Variants in AK5 observed in about 807,000 individuals in gnomAD.
AK5 encodes adenylate kinase 5.
AK5 carries 27 observed loss-of-function variants against 69.5 expected under a neutral mutation model. That is an observed-to-expected ratio of 0.39 (90% confidence interval 0.29 to 0.54). The LOEUF (loss-of-function observed/expected upper bound fraction) is 0.54. AK5 is among the 20% of genes least tolerant of loss of function. The pLI is 0.71. For synonymous variants in AK5, 260 were observed against 244.4 expected (o/e 1.06, Z -0.60); for missense variants, 531 against 700.4 (o/e 0.76, Z 2.73).
At chr1:77,508,098 A>T (rs1406308077) in intron 10 of AK5, among the ~76,000 whole-genome samples, 1 of 152,252 alleles carries the variant, frequency 6.6e-6, no homozygotes, top group East Asian at 1.9e-4. Flanking sequence ...GGGATGCTCA[A>T]CTAGTAAGTA....
chr1:77,328,839 T>A (rs1660941567), intron 5 of AK5, among the ~76,000 whole-genome samples: 1 of 152,182 alleles, frequency 6.6e-6, no homozygotes. Flanking sequence ...TATGCTGTTA[T>A]AACAATACCA....
At chr1:77,506,988 G>A (rs1657067869) in intron 10 of AK5, among the ~76,000 whole-genome samples, 1 of 151,590 alleles carries the variant, frequency 6.6e-6, no homozygotes, top group Non-Finnish European at 1.5e-5. Context: ...AAGAGGTTGA[G>A]ACTCAGTCTC....
chr1:77,327,828 T>A (rs1660884171), intron 5 of AK5, among the ~76,000 whole-genome samples: 1 of 152,210 alleles, frequency 6.6e-6, no homozygotes, highest in Non-Finnish European at 1.5e-5. Flanking sequence ...GGGCACATAA[T>A]TATAGACAGT....
rs1464400422 is a variant in AK5 at position 77,368,303 on chromosome 1, ATATATATGTTATATATAATATATATGT to A, written c.891+27753_891+27779del. ...ATATGTTATATATATGTTATATATA[ATATATATGTTATATATAATATATATGT>A]TATATATGTTATATATATATGTTGT... On this transcript the variant is annotated intron_variant, in intron 6 of 13. Coordinates refer to ENST00000354567, the MANE Select transcript of AK5 (RefSeq NM_174858.3). 4.5e-4 allele frequency among the ~76,000 whole-genome samples: 43 copies of A among 95,350 alleles called. 1 individual carries two copies. Among genetic ancestry groups the A allele is most frequent in the Non-Finnish European group, 7.0e-4 (34 of 48,458 alleles). The allele number at this position is 95,350 out of a possible 152,430, so 62.6% of individuals were successfully genotyped here.
chr1:77,538,899 T>G lies in AK5; in HGVS notation c.1620+2861T>G, dbSNP rs139751658. On this transcript the variant is annotated intron_variant, in intron 13 of 13. Transcript: ENST00000354567. ...CTTAGAGCTTTCTAAGTTAGTGGTG[T>G]CCAAAAGACCAGATTACAACACATT... 6.9e-4 allele frequency among the ~76,000 whole-genome samples: 105 copies of G among 152,324 alleles called. 1 individual carries two copies. The East Asian group carries it at 0.019, about 27-fold the overall frequency.
chr1:77,498,117 G>A (rs1656461304), intron 10 of AK5, among the ~76,000 whole-genome samples: 1 of 152,152 alleles, frequency 6.6e-6, no homozygotes, highest in Non-Finnish European at 1.5e-5. Flanking sequence ...AAGAGCACAG[G>A]GAGGAAAGGG....
chr1:77,396,083 C>T (rs1648808367), intron 6 of AK5, among the ~76,000 whole-genome samples: 1 of 152,158 alleles, frequency 6.6e-6, no homozygotes, highest in Admixed American at 6.5e-5. Context: ...GTATGGATGG[C>T]AGGTAATCTC....
intron 7 of AK5, among the ~76,000 whole-genome samples, chr1:77,413,388 C>T (rs928406897): frequency 6.6e-6 from 1 of 152,160 alleles, no homozygotes; most frequent in Non-Finnish European, 1.5e-5. Flanking sequence ...GAGACTTTCT[C>T]AGACCCCACC....
chr1:77,298,621 T>C (rs1659150141), intron 5 of AK5, among the ~76,000 whole-genome samples: 1 of 146,514 alleles, frequency 6.8e-6, no homozygotes, highest in Non-Finnish European at 1.5e-5. Context: ...CTGGGCAATA[T>C]GACGAAACCC....
intron 8 of AK5, among the ~76,000 whole-genome samples, chr1:77,468,672 C>G (rs906271252): frequency 6.6e-6 from 1 of 152,166 alleles, no homozygotes; most frequent in Non-Finnish European, 1.5e-5. Flanking sequence ...AAGAGCAGGC[C>G]GGTTTCCTTG....
rs1648444621 is a variant in AK5, at chr1:77,391,456, TATATATATAC to T, written c.892-19523_892-19514del. On this transcript the variant is annotated intron_variant, in intron 6 of 13. Transcript: ENST00000354567. The stretch of plus-strand genomic sequence containing the variant: ...ACATATATACATATATGTGTGTGTA[TATATATATAC>T]ACATATGTGTGTGTGTATGTGTGTG... 1.8e-4 allele frequency among the ~76,000 whole-genome samples: 23 copies of T among 130,682 alleles called. No homozygotes were observed. The Admixed American group carries it at 1.9e-3, about 11-fold the overall frequency. 85.7% of individuals were successfully genotyped at this position (130,682 alleles called of 152,430 possible).
chr1:77,341,871 G>T (rs1438539732), intron 6 of AK5, among the ~76,000 whole-genome samples: 2 of 152,138 alleles, frequency 1.3e-5, no homozygotes, highest in South Asian at 2.1e-4. Context: ...GCTATGTTTT[G>T]TTGGGGTTAT....
chr1:77,438,102 C>T (rs1652066205), intron 8 of AK5, among the ~76,000 whole-genome samples: 2 of 151,878 alleles, frequency 1.3e-5, no homozygotes, highest in Non-Finnish European at 2.9e-5. Flanking sequence ...TGAAAGCCCT[C>T]TCTTTTTTTG....
intron 5 of AK5, among the ~76,000 whole-genome samples, chr1:77,301,351 T>C (rs560957772): frequency 6.6e-5 from 10 of 152,332 alleles, no homozygotes; most frequent in African/African-American, 2.4e-4. Context: ...GATCTGGAAG[T>C]GACATCCATC....
chr1:77,404,327 C>G (rs76328008), intron 6 of AK5, among the ~76,000 whole-genome samples: 12,901 of 151,980 alleles, frequency 0.085, 701 homozygotes, highest in South Asian at 0.17. Flanking sequence ...CCCTGACCCC[C>G]TGCAAGTGTG....
At chr1:77,364,415 T>G (rs1221646518) in intron 6 of AK5, among the ~76,000 whole-genome samples, 4 of 152,206 alleles carry the variant, frequency 2.6e-5, no homozygotes, top group Non-Finnish European at 5.9e-5. Context: ...TGAAATTGTA[T>G]GATATGCTAT....
rs41428048 is a variant in AK5 at position 77,528,378 on chromosome 1, C to T, written c.1428+6435C>T. Among the ~76,000 whole-genome samples, 1,140 of 152,190 alleles carry T rather than the reference C, an allele frequency of 7.5e-3. 22 individuals are homozygous for T. The highest frequency in any genetic ancestry group is 0.026 in the African/African-American group (1,091 of 41,504). ...AATCTCACCAGCCTTTCTGTGTCAC[C>T]GAGATTGATGCGTCCGATGCATTGG... On this transcript the variant is annotated intron_variant, in intron 12 of 13. Coordinates refer to ENST00000354567, the MANE Select transcript of AK5 (RefSeq NM_174858.3).
At chr1:77,290,924 A>G (rs1658652203) in intron 2 of AK5, among the ~76,000 whole-genome samples, 1 of 152,208 alleles carries the variant, frequency 6.6e-6, no homozygotes, top group South Asian at 2.1e-4. Flanking sequence ...CAATGGCACT[A>G]TAGGAAAATC....
At chr1:77,543,248 A>G (rs991931120) in intron 13 of AK5, among the ~76,000 whole-genome samples, 1 of 152,230 alleles carries the variant, frequency 6.6e-6, no homozygotes, top group Non-Finnish European at 1.5e-5. Flanking sequence ...TGCAAAATCT[A>G]CTGGGTAATT....
Sources: allele counts gnomAD v4.1 joint callset (sites outside exome capture counted in the v4.1 genomes callset), GRCh38; gene constraint gnomAD v4.1.1; transcripts MANE v1.5; gene names NCBI Gene and HGNC (gene_info 2026-07-23, HGNC 2026-07-21).